Variants in IPPK observed in about 807,000 individuals in gnomAD.
IPPK encodes IPK1 homolog.
In IPPK, 22 loss-of-function variants were observed where a neutral mutation model predicts 64.6. The observed-to-expected ratio is 0.34, with a 90% CI of 0.24 to 0.49. The LOEUF (loss-of-function observed/expected upper bound fraction) is 0.49. IPPK is among the 20% of genes least tolerant of loss of function. The pLI is 0.99. For synonymous variants in IPPK, 262 were observed against 247.2 expected, an observed-to-expected ratio of 1.06 and a Z score of -0.56; for missense variants, 532 against 630.7, an observed-to-expected ratio of 0.84 and a Z score of 1.68.
chr9:92,623,573 C>A (rs1851682866), intron 11 of IPPK, among the ~76,000 whole-genome samples: 1 of 152,032 alleles, frequency 6.6e-6, no homozygotes, highest in African/African-American at 2.4e-5. Flanking sequence ...AAAGACAACT[C>A]TACCAAAAAA....
chr9:92,660,802 T>C (rs538718232), intron 1 of IPPK, among the ~76,000 whole-genome samples: 3 of 152,358 alleles, frequency 2.0e-5, no homozygotes, highest in African/African-American at 7.2e-5. Flanking sequence ...AAATGGAAAT[T>C]ATAAATTTCC....
In IPPK at chr9:92,627,631, G is replaced by A. The variant is rs570664516; in HGVS notation, c.1170+6755C>T. On this transcript the variant is annotated intron_variant, in intron 11 of 12. Transcript: ENST00000287996. ...TGATAATCTCAAATGATATAGAAAA[G>A]GCATCTAACAGAATCCAACACCCTT... is the stretch of plus-strand genomic sequence containing the variant. Among the ~76,000 whole-genome samples the A allele has an allele frequency of 3.3e-5, 5 of 152,146 alleles. No individual in the cohort carries two copies. The East Asian group carries it at 9.7e-4, about 29-fold the overall frequency.
rs771029744 is a variant in IPPK, at chr9:92,656,602, G to T, written c.130-51C>A. The T allele has an allele frequency of 1.5e-5, 19 of 1,257,664 alleles. No individual in the cohort carries two copies. The East Asian group carries it at 3.7e-4, about 25-fold the overall frequency. The allele number at this position is 1,257,664 out of a possible 1,614,324, so 77.9% of individuals were successfully genotyped here. A position where few individuals can be genotyped will look rare whatever the true frequency, so the allele number is the denominator to read the frequency against. On this transcript the variant is annotated intron_variant, in intron 2 of 12. Coordinates refer to ENST00000287996, the MANE Select transcript of IPPK (RefSeq NM_022755.6). The stretch of plus-strand genomic sequence containing the variant: ...CTTCGTGATGGGACCTCCCAACAGA[G>T]CCTTGCTTGAGGGGAGAGGCAAAAA...
chr9:92,627,063 CAAG>C (rs201923329), intron 11 of IPPK, among the ~76,000 whole-genome samples: 1,727 of 152,122 alleles, frequency 0.011, 24 homozygotes, highest in African/African-American at 0.038. Flanking sequence ...GAATATTCTT[CAAG>C]AAGAGGAAGA....
chr9:92,659,471 A>AT (rs1354079051), intron 1 of IPPK, among the ~76,000 whole-genome samples: 2 of 152,252 alleles, frequency 1.3e-5, no homozygotes, highest in Non-Finnish European at 2.9e-5. Context: ...AATGATTACA[A>AT]TAACTTCTTT....
chr9:92,655,013 G>C (rs1852343107), intron 3 of IPPK, among the ~76,000 whole-genome samples: 1 of 152,252 alleles, frequency 6.6e-6, no homozygotes. Flanking sequence ...AAGGCAAGCA[G>C]CTTCTGCCCC....
At chr9:92,668,680 A>G (rs569978415) in intron 1 of IPPK, among the ~76,000 whole-genome samples, 3 of 152,360 alleles carry the variant, frequency 2.0e-5, no homozygotes, top group South Asian at 2.1e-4. Context: ...CACTTTGCCA[A>G]TAGTGGACTA....
chr9:92,626,099 T>C (rs570994342), intron 11 of IPPK, among the ~76,000 whole-genome samples: 2 of 152,166 alleles, frequency 1.3e-5, no homozygotes, highest in South Asian at 2.1e-4. Flanking sequence ...AAATTAAAGA[T>C]AGAACTACTG....
chr9:92,656,132 G>C (rs927619440), intron 3 of IPPK, among the ~76,000 whole-genome samples: 1 of 152,218 alleles, frequency 6.6e-6, no homozygotes, highest in African/African-American at 2.4e-5. Context: ...TGTGTTCAAA[G>C]GTGCCCAGGG....
At chr9:92,657,534 G>GA (rs1412246619) in intron 2 of IPPK, among the ~76,000 whole-genome samples, 1 of 152,206 alleles carries the variant, frequency 6.6e-6, no homozygotes, top group Non-Finnish European at 1.5e-5. Context: ...GGCCTTGGGG[G>GA]AGTCAAGGTT....
chr9:92,666,037 A>G (rs1004970209), intron 1 of IPPK, among the ~76,000 whole-genome samples: 1 of 152,242 alleles, frequency 6.6e-6, no homozygotes, highest in African/African-American at 2.4e-5. Flanking sequence ...AAAGGTCACG[A>G]AACTGGAACA....
intron 12 of IPPK, chr9:92,616,559 T>C (rs1455381291): frequency 6.5e-6 from 1 of 154,850 alleles, no homozygotes; most frequent in Non-Finnish European, 1.4e-5. Context: ...TTGCCTCTCC[T>C]GTCTGCTGAG....
chr9:92,621,777 A>C (rs988345666), intron 11 of IPPK, among the ~76,000 whole-genome samples: 7 of 152,166 alleles, frequency 4.6e-5, no homozygotes, highest in African/African-American at 4.8e-5. Flanking sequence ...TTGGCCTCCC[A>C]AAGTGTTGGG....
At chr9:92,667,754 T>A (rs1242100899) in intron 1 of IPPK, among the ~76,000 whole-genome samples, 1 of 151,600 alleles carries the variant, frequency 6.6e-6, no homozygotes, top group Non-Finnish European at 1.5e-5. Context: ...TACAAAAAAA[T>A]TAGCCAGGCA....
At chr9:92,617,998 T>C in intron 12 of IPPK, 1 of 342,784 alleles carries the variant, frequency 2.9e-6, no homozygotes, top group Non-Finnish European at 5.8e-6. Context: ...GATCTAAATT[T>C]AGTCTCAGGT....
At chr9:92,666,379 A>G (rs1166948008) in intron 1 of IPPK, among the ~76,000 whole-genome samples, 2 of 152,220 alleles carry the variant, frequency 1.3e-5, no homozygotes, top group African/African-American at 2.4e-5. Context: ...CAGGCGTCAC[A>G]CAGGAGAGAA....
intron 5 of IPPK, among the ~76,000 whole-genome samples, chr9:92,649,134 A>C (rs1250908950): frequency 6.6e-6 from 1 of 152,194 alleles, no homozygotes; most frequent in Non-Finnish European, 1.5e-5. Context: ...TCTGAGGAAA[A>C]CGGGTCAGGG....
At chr9:92,669,392 T>C (rs1852676790) in intron 1 of IPPK, among the ~76,000 whole-genome samples, 1 of 152,220 alleles carries the variant, frequency 6.6e-6, no homozygotes, top group Non-Finnish European at 1.5e-5. Context: ...AACATCCCCT[T>C]ACTATTAACA....
At chr9:92,642,950 T>A (rs925274360) in intron 6 of IPPK, 140 bp from the exon 7 acceptor site, 30 of 713,870 alleles carry the variant, frequency 4.2e-5, no homozygotes, top group Admixed American at 8.3e-5. Context: ...GCCACCACCT[T>A]TGCAGGTGCA....
Sources: gnomAD v4.1 joint callset for allele counts (sites outside exome capture counted in the v4.1 genomes callset) on GRCh38, gnomAD v4.1.1 for gene constraint, MANE v1.5 for transcripts, NCBI Gene and HGNC (gene_info 2026-07-23, HGNC 2026-07-21) for gene names.